The following SCLT1 variants were observed in gnomAD, a reference collection of about 807,000 sequenced individuals.
The protein encoded by SCLT1 is sodium channel-associated protein 1.
A neutral mutation model predicts 112.8 loss-of-function variants in SCLT1; 78 were observed. The ratio of observed to expected loss-of-function variants is 0.69; its 90% confidence interval spans 0.58 to 0.83. The LOEUF (loss-of-function observed/expected upper bound fraction) is 0.83, where lower values mean the gene tolerates loss of function less well. SCLT1 is among the 40% of genes least tolerant of loss of function. The pLI, the probability that SCLT1 is intolerant of heterozygous loss-of-function variation, is 0.00. For missense variants in SCLT1, 747 were observed against 770.4 expected (o/e 0.97, Z 0.36); for synonymous variants, 257 against 254.7 (o/e 1.01, Z -0.09).
intron 18 of SCLT1, among the ~76,000 whole-genome samples, chr4:128,892,885 C>CA (rs1306828723): frequency 1.3e-5 from 2 of 151,820 alleles, no homozygotes; most frequent in Non-Finnish European, 2.9e-5. Context: ...GTGATAATGA[C>CA]AAAATAGAAT....
chr4:128,924,402 G>A (rs1736132201), intron 18 of SCLT1, among the ~76,000 whole-genome samples: 1 of 151,976 alleles, frequency 6.6e-6, no homozygotes, highest in Admixed American at 6.6e-5. Context: ...CTGAGTAGCT[G>A]GGATTACAAG....
intron 5 of SCLT1, among the ~76,000 whole-genome samples, chr4:129,026,443 A>C (rs1343670150): frequency 1.3e-5 from 2 of 152,034 alleles, no homozygotes; most frequent in African/African-American, 4.8e-5. Flanking sequence ...CCTGCTCCTG[A>C]ATGACTACTG....
intron 11 of SCLT1, among the ~76,000 whole-genome samples, chr4:128,964,313 A>G (rs1209405951): frequency 6.6e-6 from 1 of 152,208 alleles, no homozygotes; most frequent in Non-Finnish European, 1.5e-5. Flanking sequence ...TCTCACTCAA[A>G]AAGCCAATAC....
At chr4:128,963,556 A>C (rs886440292) in intron 11 of SCLT1, among the ~76,000 whole-genome samples, 3 of 152,184 alleles carry the variant, frequency 2.0e-5, no homozygotes, top group Non-Finnish European at 4.4e-5. Context: ...AATCATACCT[A>C]GTCATACTGG....
At position 128,891,198 on chromosome 4, in the gene SCLT1, A is replaced by G. The variant is rs1389350788; in HGVS notation, c.1830-61T>C. 3.2e-6 allele frequency: 4 copies of G among 1,239,576 alleles called. No individual in the cohort carries two copies. In the East Asian group the frequency reaches 9.4e-5, roughly 29 times the overall value. 76.8% of individuals were successfully genotyped at this position (1,239,576 alleles called of 1,614,324 possible). ...GTTCCAAATAGAAAACAGAATCTTT[A>G]TTAGCAAGATACATGTTCATGATTT... On this transcript the variant is annotated intron_variant, in intron 18 of 20. Transcript: ENST00000281142.
intron 2 of SCLT1, among the ~76,000 whole-genome samples, chr4:129,048,849 C>T (rs1287372350): frequency 6.6e-6 from 1 of 152,116 alleles, no homozygotes; most frequent in Non-Finnish European, 1.5e-5. Flanking sequence ...CAAAAGAAGA[C>T]ATTTATGCAG....
At chr4:128,898,045 G>A (rs1354471620) in intron 18 of SCLT1, among the ~76,000 whole-genome samples, 1 of 152,098 alleles carries the variant, frequency 6.6e-6, no homozygotes, top group Non-Finnish European at 1.5e-5. Context: ...GACCTACAAA[G>A]AGACTTAGAC....
intron 18 of SCLT1, among the ~76,000 whole-genome samples, chr4:128,896,063 C>T (rs2125928508): frequency 6.6e-6 from 1 of 152,336 alleles, no homozygotes; most frequent in African/African-American, 2.4e-5. Flanking sequence ...GTGGAGCCCA[C>T]TGCAGCTCAA....
chr4:128,941,910 C>T (rs1737726120), intron 17 of SCLT1, among the ~76,000 whole-genome samples: 1 of 152,054 alleles, frequency 6.6e-6, no homozygotes, highest in African/African-American at 2.4e-5. Flanking sequence ...CAGTTTTCCC[C>T]CCACTGAACT....
Position 129,010,878 on chromosome 4 carries a change from T to A in SCLT1, c.291-7002A>T, listed in dbSNP as rs182542602. ...TCCTGCCATCTGCAAATACGGATAGTTTGACTTCCTCTCTTCCTATTTGGA... is the reference window on the plus strand; with the variant it reads ...TCCTGCCATCTGCAAATACGGATAGATTGACTTCCTCTCTTCCTATTTGGA... On this transcript the variant is annotated intron_variant, in intron 5 of 20. Transcript: ENST00000281142. Among the ~76,000 whole-genome samples, 732 of 152,280 alleles carry A rather than the reference T, an allele frequency of 4.8e-3. 6 individuals carry two copies. The highest frequency in any genetic ancestry group is 0.017 in the African/African-American group (695 of 41,526).
chr4:128,946,555 G>A (rs145691140), intron 15 of SCLT1, among the ~76,000 whole-genome samples: 85 of 152,168 alleles, frequency 5.6e-4, no homozygotes, highest in African/African-American at 1.4e-3. Flanking sequence ...CTGGATAATC[G>A]GGCAAGACCT....
rs948798048 is a variant in SCLT1, at chr4:128,955,629, T to C, written c.1146+1397A>G. Among the ~76,000 whole-genome samples, 3 of 152,292 alleles carry C rather than the reference T, an allele frequency of 2.0e-5. No homozygotes were observed. The East Asian group carries it at 5.8e-4, about 29-fold the overall frequency. ...GTTAATTCTACATATTTGAAGGACA[T>C]GCCGTGAATAATTTGGGATTAAATG... On this transcript the variant is annotated intron_variant, in intron 13 of 20. Coordinates refer to ENST00000281142, the MANE Select transcript of SCLT1 (RefSeq NM_144643.4).
chr4:128,896,256 C>T (rs1052094710), intron 18 of SCLT1, among the ~76,000 whole-genome samples: 1 of 152,206 alleles, frequency 6.6e-6, no homozygotes, highest in Non-Finnish European at 1.5e-5. Flanking sequence ...GGGTCCCTGA[C>T]CCCCAAGTAG....
chr4:128,903,130 T>C (rs1441193406), intron 18 of SCLT1, among the ~76,000 whole-genome samples: 1 of 152,108 alleles, frequency 6.6e-6, no homozygotes, highest in Non-Finnish European at 1.5e-5. Context: ...AAGTACAGTA[T>C]AGGAAACACA....
intron 4 of SCLT1, among the ~76,000 whole-genome samples, chr4:129,042,560 T>C (rs1300019043): frequency 6.6e-6 from 1 of 152,030 alleles, no homozygotes; most frequent in East Asian, 1.9e-4. Flanking sequence ...AATAATGAGA[T>C]TAAGAGATTC....
chr4:128,892,706 A>T (rs182177193), intron 18 of SCLT1, among the ~76,000 whole-genome samples: 1 of 152,328 alleles, frequency 6.6e-6, no homozygotes, highest in African/African-American at 2.4e-5. Context: ...GGTGCAAGGT[A>T]TGTGGTGGCA....
Position 129,093,078 on chromosome 4 carries a change from C to G in SCLT1, c.26G>C (p.Arg9Thr), listed in dbSNP as rs1403847529. MAAEIDFL[R>T]EQNRRLNEDF... ...AAAAACATGGAGCTTACTTTGCTCT[C>G]TCAGAAAGTCGATTTCTGCAGCCAT... The change falls in exon 1 of 21, where the codon AGA becomes ACA. Residue 9 changes from arginine to threonine, a missense_variant. Around this residue, in one of 2 missense-constraint regions of SCLT1, gnomAD observed 723 missense variants for 721.3 expected, o/e 1.00. Transcript: ENST00000281142. 3 of 1,611,948 alleles carry G rather than the reference C, an allele frequency of 1.9e-6. No homozygotes were observed. Among genetic ancestry groups the G allele is most frequent in the South Asian group, 2.2e-5 (2 of 91,034 alleles).
chr4:129,087,637 C>T (rs573375453), intron 1 of SCLT1, among the ~76,000 whole-genome samples: 1 of 151,278 alleles, frequency 6.6e-6, no homozygotes, highest in East Asian at 2.0e-4. Flanking sequence ...GCCTGTAGTC[C>T]TAGCTACTCA....
At chr4:128,975,740 C>G (rs1191196955) in intron 9 of SCLT1, among the ~76,000 whole-genome samples, 2 of 152,134 alleles carry the variant, frequency 1.3e-5, no homozygotes, top group Non-Finnish European at 2.9e-5. Flanking sequence ...ATCATTTACA[C>G]TTAAAAACTT....
Sources: allele counts gnomAD v4.1 joint callset (sites outside exome capture counted in the v4.1 genomes callset), GRCh38; gene constraint gnomAD v4.1.1; regional missense constraint gnomAD v4.1.1; transcripts MANE v1.5; gene names NCBI Gene and HGNC (gene_info 2026-07-23, HGNC 2026-07-21).